XPOT: variants seen among roughly 807,000 people sequenced by gnomAD.
The protein encoded by XPOT is exportin for tRNA, also known as exportin-T.
XPOT carries 34 observed loss-of-function variants against 128.2 expected under a neutral mutation model. The observed-to-expected ratio is 0.27, with a 90% confidence interval of 0.20 to 0.35. The LOEUF is 0.35. Ranked by LOEUF, XPOT falls within the 10% of genes least tolerant of loss-of-function variation. The probability of loss-of-function intolerance (pLI) is 1.00; values close to 1 mark genes in which losing one functional copy is unlikely to be tolerated. For missense variants in XPOT, 838 were observed against 1,125.3 expected, an observed-to-expected ratio of 0.74 and a Z score of 3.65; for synonymous variants, 348 against 394.3, an observed-to-expected ratio of 0.88 and a Z score of 1.39.
In XPOT at chr12:64,410,203, A is replaced by T. The variant is rs1176738805; in HGVS notation, c.60+108A>T. Reference sequence around the variant, plus strand: ...AAGTTTACTTTGGGTAGAAATGAACAGAAACAAAAAAATTTGAGGTATTTG... The same window carrying T: ...AAGTTTACTTTGGGTAGAAATGAACTGAAACAAAAAAATTTGAGGTATTTG... On this transcript the variant is annotated intron_variant, in intron 2 of 24. Coordinates refer to ENST00000332707, the MANE Select transcript of XPOT (RefSeq NM_007235.6). 19 of 944,422 alleles carry T rather than the reference A, an allele frequency of 2.0e-5. No individual in the cohort carries two copies. In the Admixed American group the frequency reaches 2.5e-4, roughly 13 times the overall value. 58.5% of individuals were successfully genotyped at this position (944,422 alleles called of 1,614,324 possible).
At chr12:64,428,557 A>C (rs574240532) in intron 16 of XPOT, among the ~76,000 whole-genome samples, 11 of 152,036 alleles carry the variant, frequency 7.2e-5, no homozygotes, top group Non-Finnish European at 1.3e-4. Flanking sequence ...TTTCAGGCTT[A>C]GGGTAAAAAA....
At chr12:64,441,528 A>T (rs2040324237) in intron 23 of XPOT, among the ~76,000 whole-genome samples, 1 of 152,092 alleles carries the variant, frequency 6.6e-6, no homozygotes, top group Non-Finnish European at 1.5e-5. Context: ...TGTTTTGGCT[A>T]TTCAGGGCCT....
At chr12:64,409,807 A>G in intron 1 of XPOT, 155 bp from the exon 2 acceptor site, 1 of 512,184 alleles carries the variant, frequency 2.0e-6, no homozygotes. Context: ...TCTGAGAATT[A>G]GGCTCTAACT....
At position 64,450,907 on chromosome 12, in the gene XPOT, CAT is replaced by C. The variant is rs1277807312; in HGVS notation, c.*2777_*2778del. 4 of 152,324 alleles carry C rather than the reference CAT, an allele frequency of 2.6e-5. No homozygotes were observed. Among genetic ancestry groups the C allele is most frequent in the East Asian group, 1.9e-4 (1 of 5,186 alleles). The allele number at this position is 152,324 out of a possible 1,614,324, so 9.4% of individuals were successfully genotyped here. A position where few individuals can be genotyped will look rare whatever the true frequency, so the allele number is the denominator to read the frequency against. ...CTGTGTGGTATTTTAATGTGGTAAA[CAT>C]GTGAATGAAGGCCTGTGGCTCAGTT... On this transcript the variant is annotated 3_prime_UTR_variant, in exon 25 of 25. Transcript: ENST00000332707.
At chr12:64,445,207 A>AATTAT in intron 24 of XPOT, 76 bp downstream of exon 24, 1 of 1,128,726 alleles carries the variant, frequency 8.9e-7, no homozygotes, top group Admixed American at 2.2e-5. Flanking sequence ...ACATACCTGC[A>AATTAT]ATTATAGATG....
At chr12:64,447,339 T>C (rs2040374183) in intron 24 of XPOT, among the ~76,000 whole-genome samples, 1 of 152,248 alleles carries the variant, frequency 6.6e-6, no homozygotes, top group South Asian at 2.1e-4. Context: ...TACTAGGCCA[T>C]GCCTAGCACA....
At chr12:64,433,849 A>G (rs1400535885) in intron 19 of XPOT, among the ~76,000 whole-genome samples, 2 of 152,210 alleles carry the variant, frequency 1.3e-5, no homozygotes, top group Non-Finnish European at 2.9e-5. Context: ...AATATAAATA[A>G]CATGGTTACT....
At chr12:64,430,007 C>T (rs2040225621) in intron 16 of XPOT, 42 bp from the exon 17 acceptor site, 1 of 1,496,186 alleles carries the variant, frequency 6.7e-7, no homozygotes, top group African/African-American at 1.4e-5. Context: ...ATGAAGGGAA[C>T]TCAAAAAATA....
Position 64,448,452 on chromosome 12 carries a change from A to T in XPOT, c.*321A>T, listed in dbSNP as rs1195001186. On this transcript the variant is annotated 3_prime_UTR_variant, in exon 25 of 25. Coordinates refer to ENST00000332707, the MANE Select transcript of XPOT (RefSeq NM_007235.6). ...TATAAAGACCATAGCAGTGGAAAAC[A>T]GTGTACTTTTTAAAAAATTGCTGAA... 4.3e-6 allele frequency: 1 copy of T among 229,920 alleles called. No individual in the cohort carries two copies. Among genetic ancestry groups the T allele is most frequent in the African/African-American group, 2.3e-5 (1 of 44,322 alleles). The allele number at this position is 229,920 out of a possible 1,614,324, so 14.2% of individuals were successfully genotyped here. A position where few individuals can be genotyped will look rare whatever the true frequency, so the allele number is the denominator to read the frequency against.
chr12:64,445,546 C>T lies in XPOT; in HGVS notation c.2862+415C>T, dbSNP rs532636924. On this transcript the variant is annotated intron_variant, in intron 24 of 24. Coordinates refer to ENST00000332707, the MANE Select transcript of XPOT (RefSeq NM_007235.6). ...GCCATCAAGCCTCCTTTTACATTTA[C>T]GAAATTACTGATTTTTTTTTTTAAC... is the stretch of plus-strand genomic sequence containing the variant. Among the ~76,000 whole-genome samples, 84 of 151,854 alleles carry T rather than the reference C, an allele frequency of 5.5e-4. No homozygotes were observed. The South Asian group carries it at 0.015, about 28-fold the overall frequency.
intron 24 of XPOT, among the ~76,000 whole-genome samples, chr12:64,447,874 A>AT (rs1482170475): frequency 6.6e-6 from 1 of 152,154 alleles, no homozygotes; most frequent in Non-Finnish European, 1.5e-5. Context: ...ATAACACCAT[A>AT]TTTTCACTAC....
chr12:64,437,219 G>C (rs776491220), intron 22 of XPOT, among the ~76,000 whole-genome samples: 3 of 152,188 alleles, frequency 2.0e-5, no homozygotes, highest in Non-Finnish European at 4.4e-5. Flanking sequence ...CAGGGGAACT[G>C]TATAAAGGTA....
intron 5 of XPOT, among the ~76,000 whole-genome samples, chr12:64,418,368 T>C (rs1183769656): frequency 6.6e-6 from 1 of 152,216 alleles, no homozygotes; most frequent in Non-Finnish European, 1.5e-5. Context: ...TGTAGTTGTT[T>C]TTAACTACTT....
intron 6 of XPOT, 149 bp from the exon 7 acceptor site, chr12:64,419,921 C>A: frequency 3.3e-6 from 2 of 609,854 alleles, no homozygotes; most frequent in East Asian, 3.1e-5. Flanking sequence ...TACAAAGAAT[C>A]ACAGGATATG....
chr12:64,417,866 C>T (rs544768864), intron 4 of XPOT, among the ~76,000 whole-genome samples, 180 bp from the exon 5 acceptor site: 3 of 152,226 alleles, frequency 2.0e-5, no homozygotes, highest in South Asian at 2.1e-4. Context: ...TGATGCCCTA[C>T]CTGCCACTCT....
intron 4 of XPOT, among the ~76,000 whole-genome samples, chr12:64,417,739 C>T (rs2040101138): frequency 6.6e-6 from 1 of 152,156 alleles, no homozygotes; most frequent in Admixed American, 6.5e-5. Context: ...GAGAGGATTC[C>T]TAGTTCACCT....
intron 1 of XPOT, among the ~76,000 whole-genome samples, chr12:64,408,170 C>T (rs576666802): frequency 3.9e-5 from 6 of 152,206 alleles, no homozygotes; most frequent in African/African-American, 1.4e-4. Context: ...AGTGCAGTGG[C>T]GTGATCCCAG....
At chr12:64,405,198 C>G (rs922333999) in intron 1 of XPOT, 1 of 152,360 alleles carries the variant, frequency 6.6e-6, no homozygotes, top group African/African-American at 2.4e-5. Context: ...CTTGATTCTT[C>G]CCCCACCCCT....
chr12:64,415,310 T>C (rs557247961), intron 3 of XPOT, among the ~76,000 whole-genome samples: 1 of 151,910 alleles, frequency 6.6e-6, no homozygotes, highest in African/African-American at 2.4e-5. Context: ...CCTAAAACTT[T>C]GGTAAAGACG....
Sources: gnomAD v4.1 joint callset for allele counts (sites outside exome capture counted in the v4.1 genomes callset) on GRCh38, gnomAD v4.1.1 for gene constraint, MANE v1.5 for transcripts, NCBI Gene and HGNC (gene_info 2026-07-23, HGNC 2026-07-21) for gene names.